CCDC43: variants seen among roughly 807,000 people sequenced by gnomAD.
The protein encoded by CCDC43 is coiled-coil domain containing 43.
CCDC43 carries 20 observed loss-of-function variants against 33.3 expected under a neutral mutation model. The observed-to-expected ratio is 0.60, with a 90% CI of 0.42 to 0.87. The LOEUF (loss-of-function observed/expected upper bound fraction) is 0.87. Among genes scored for constraint, CCDC43 ranks in the 40% least tolerant of loss-of-function variants. The probability of loss-of-function intolerance (pLI) is 0.00; values close to 1 mark genes in which losing one functional copy is unlikely to be tolerated. For synonymous variants in CCDC43, 104 were observed against 106.5 expected, an observed-to-expected ratio of 0.98 and a Z score of 0.14; for missense variants, 248 against 269.9, an observed-to-expected ratio of 0.92 and a Z score of 0.57.
intron 3 of CCDC43, chr17:44,681,634 T>A (rs1431706731): frequency 6.3e-6 from 1 of 157,590 alleles, no homozygotes; most frequent in Non-Finnish European, 1.4e-5. Context: ...GTTTCCTTAT[T>A]GACTGGGAAA....
rs1972124733 is a variant in CCDC43, at chr17:44,679,502, C to T, written c.488-459G>A. On this transcript the variant is annotated intron_variant, in intron 4 of 4. Coordinates refer to ENST00000315286, the MANE Select transcript of CCDC43 (RefSeq NM_144609.3). ...AAAAGAGTTAAATAAGATGTTTAAC[C>T]TTATTAAACTTTATCAATTTGCTTT... 2.0e-5 allele frequency among the ~76,000 whole-genome samples: 3 copies of T among 152,206 alleles called. No homozygotes were observed. In the South Asian group the frequency reaches 6.2e-4, roughly 32 times the overall value.
At position 44,682,097 on chromosome 17, in the gene CCDC43, G is replaced by C. The variant is rs994184481; in HGVS notation, c.334C>G (p.Gln112Glu). ...ACCATCCTTGGCTTTACTACGATTT[G>C]TGCCTGCTTCTCAATTAGGGTGGCA... Reference protein sequence around the residue: ...AIATLIEKQAQIVVKPRMVSE... With the variant: ...AIATLIEKQAEIVVKPRMVSE... Residue 112 changes from glutamine (Q) to glutamate (E), a missense_variant, in exon 3 of 5, where the codon CAA (glutamine) becomes GAA (glutamate). By Grantham distance (29) the Gln-to-Glu change is conservative. Coordinates refer to ENST00000315286, the MANE Select transcript of CCDC43 (RefSeq NM_144609.3). 1.9e-6 allele frequency: 3 copies of C among 1,613,884 alleles called. No individual in the cohort carries two copies. The highest frequency in any genetic ancestry group is 1.3e-5 in the African/African-American group (1 of 74,936).
At chr17:44,679,999 C>T (rs1972134161) in intron 4 of CCDC43, among the ~76,000 whole-genome samples, 2 of 151,950 alleles carry the variant, frequency 1.3e-5, no homozygotes, top group African/African-American at 4.8e-5. Flanking sequence ...TTTTTTGAGA[C>T]ACAGTCTCAC....
At chr17:44,684,062 AT>A (rs2144692878) in intron 1 of CCDC43, 103 bp from the exon 2 acceptor site, 1 of 740,804 alleles carries the variant, frequency 1.3e-6, no homozygotes, top group East Asian at 2.6e-5. Flanking sequence ...ATGCTGTGAA[AT>A]TATGGAAGGG....
Position 44,678,590 on chromosome 17 carries a change from G to A in CCDC43, c.*266C>T. ...GAAGACTTTTTAAAGTGGCCAAAAG[G>A]AGCACAGGACTTGAGTATTAAAATA... is the stretch of plus-strand genomic sequence containing the variant. On this transcript the variant is annotated 3_prime_UTR_variant, in exon 5 of 5. Coordinates refer to ENST00000315286, the MANE Select transcript of CCDC43 (RefSeq NM_144609.3). 3.1e-6 allele frequency: 1 copy of A among 318,042 alleles called. No homozygotes were observed. Among genetic ancestry groups the A allele is most frequent in the South Asian group, 9.9e-5 (1 of 10,062 alleles). The allele number at this position is 318,042 out of a possible 1,614,324, so 19.7% of individuals were successfully genotyped here.
chr17:44,684,646 G>T (rs886254316), intron 1 of CCDC43, among the ~76,000 whole-genome samples: 2 of 150,970 alleles, frequency 1.3e-5, no homozygotes, highest in Non-Finnish European at 2.9e-5. Flanking sequence ...GTGGTGAGCC[G>T]AGATCACGCC....
chr17:44,689,585 G>A lies in CCDC43; in HGVS notation c.169C>T (p.Leu57=). ...GAGAGGATCCCCTGCAGAGCGTCCA[G>A]CTTCTCTTCTTCCTCCTCCTCCTGC... ...ILQEEEEEEK[L]DALQGILSAF... Residue 57 remains leucine (L), a synonymous_variant, in exon 1 of 5, where the codon CTG becomes TTG. Transcript: ENST00000315286. The A allele has an allele frequency of 1.2e-6, 2 of 1,614,014 alleles. No individual in the cohort carries two copies. Among genetic ancestry groups the A allele is most frequent in the Middle Eastern group, 3.3e-4 (2 of 6,062 alleles).
intron 3 of CCDC43, 62 bp downstream of exon 3, chr17:44,681,941 A>G: frequency 6.2e-7 from 1 of 1,606,180 alleles, no homozygotes; most frequent in Non-Finnish European, 8.5e-7. Flanking sequence ...AGGTCACTGT[A>G]AACCCACAAA....
intron 3 of CCDC43, 39 bp from the exon 4 acceptor site, chr17:44,680,682 C>G (rs1360637055): frequency 1.3e-6 from 2 of 1,489,904 alleles, no homozygotes; most frequent in African/African-American, 2.8e-5. Flanking sequence ...AAAACAACAT[C>G]CCAACCTAAC....
intron 4 of CCDC43, 107 bp downstream of exon 4, chr17:44,680,478 A>G (rs1281623498): frequency 6.6e-6 from 5 of 762,768 alleles, no homozygotes; most frequent in Admixed American, 1.8e-5. Flanking sequence ...TTAGCATGAC[A>G]TGAGTTCCTG....
chr17:44,678,753 T>C lies in CCDC43; in HGVS notation c.*103A>G, dbSNP rs1434276349. The C allele has an allele frequency of 3.5e-6, 4 of 1,155,522 alleles. No individual in the cohort carries two copies. The highest frequency in any genetic ancestry group is 1.7e-5 in the South Asian group (1 of 58,424). The allele number at this position is 1,155,522 out of a possible 1,614,324, so 71.6% of individuals were successfully genotyped here. On this transcript the variant is annotated 3_prime_UTR_variant, in exon 5 of 5. Transcript: ENST00000315286. Reference sequence around the variant, plus strand: ...TTGACCATGTAAACAATAGGGGAAATGCCTTGGGAAACTACTTTGCAATGC... The same window carrying C: ...TTGACCATGTAAACAATAGGGGAAACGCCTTGGGAAACTACTTTGCAATGC...
At chr17:44,682,249 C>CT in intron 2 of CCDC43, 111 bp from the exon 3 acceptor site, 1 of 1,319,846 alleles carries the variant, frequency 7.6e-7, no homozygotes, top group Non-Finnish European at 1.1e-6. Flanking sequence ...CTGCTGCCTC[C>CT]TTAGAGCCTG....
Position 44,683,914 on chromosome 17 carries a change from A to T in CCDC43, c.250T>A (p.Trp84Arg). ...GTGACAACATTCTGAGTTTCTGACC[A>T]TCGTTCCACAATCTCCTTGCAGATA... The part of the protein sequence containing the change: ...LNICKEIVER[W>R]SETQNVVTKV... Residue 84 changes from tryptophan to arginine, a missense_variant, in exon 2 of 5, where the codon TGG becomes AGG. Coordinates refer to ENST00000315286, the MANE Select transcript of CCDC43 (RefSeq NM_144609.3). 6.2e-7 allele frequency: 1 copy of T among 1,613,576 alleles called. No individual in the cohort carries two copies. Among genetic ancestry groups the T allele is most frequent in the Non-Finnish European group, 8.5e-7 (1 of 1,179,502 alleles).
intron 2 of CCDC43, among the ~76,000 whole-genome samples, chr17:44,683,454 G>T (rs1281662276): frequency 6.6e-6 from 1 of 152,016 alleles, no homozygotes; most frequent in Non-Finnish European, 1.5e-5. Context: ...ACTTGAATCT[G>T]GGAGGCAGCA....
chr17:44,688,216 T>C (rs758173339), intron 1 of CCDC43: 4 of 152,214 alleles, frequency 2.6e-5, no homozygotes, highest in Non-Finnish European at 5.9e-5. Context: ...AGTGGCACAA[T>C]CACGGCTCAC....
At position 44,689,723 on chromosome 17, in the gene CCDC43, C is replaced by T. The variant is rs769693933; in HGVS notation, c.31G>A (p.Ala11Thr). The change falls in exon 1 of 5, where the codon GCC (alanine) becomes ACC (threonine). Residue 11 changes from alanine (A) to threonine (T), a missense_variant. Ala to Thr is a moderately conservative substitution (Grantham distance 58, BLOSUM62 0). Coordinates refer to ENST00000315286, the MANE Select transcript of CCDC43 (RefSeq NM_144609.3). ...CCTCCGCCATCGCCTTCGCCAGGGG[C>T]TATCGCGGCCACTTCGCTGGGCGCC... MAAPSEVAAI[A>T]PGEGDGGGGG... 1 of 1,584,554 alleles carries T rather than the reference C, an allele frequency of 6.3e-7. No homozygotes were observed. The highest frequency in any genetic ancestry group is 8.6e-7 in the Non-Finnish European group (1 of 1,166,706).
chr17:44,689,252 C>G (rs188765250), intron 1 of CCDC43: 4 of 433,286 alleles, frequency 9.2e-6, no homozygotes, highest in Non-Finnish European at 1.3e-5. Context: ...CATTCCCATT[C>G]TGACATTTCA....
At position 44,689,584 on chromosome 17, in the gene CCDC43, A is replaced by G. The variant is rs201489883; in HGVS notation, c.170T>C (p.Leu57Pro). The change falls in exon 1 of 5, where the codon CTG becomes CCG. Residue 57 changes from leucine (L) to proline (P), a missense_variant. Physicochemically the swap from Leu to Pro is moderately conservative, Grantham distance 98. Coordinates refer to ENST00000315286, the MANE Select transcript of CCDC43 (RefSeq NM_144609.3). ...AGAGAGGATCCCCTGCAGAGCGTCC[A>G]GCTTCTCTTCTTCCTCCTCCTCCTG... ...ILQEEEEEEK[L>P]DALQGILSAF... 1 of 1,613,990 alleles carries G rather than the reference A, an allele frequency of 6.2e-7. No homozygotes were observed.
At position 44,678,779 on chromosome 17, in the gene CCDC43, ACT is replaced by A. The variant is rs1241220520; in HGVS notation, c.*75_*76del. ...GCCTTGGGAAACTACTTTGCAATGCACTCTCATTTCTCTTAAATACACAACCA... is the reference window on the plus strand; with the variant it reads ...GCCTTGGGAAACTACTTTGCAATGCACTCATTTCTCTTAAATACACAACCA... On this transcript the variant is annotated 3_prime_UTR_variant, in exon 5 of 5. Transcript: ENST00000315286. 2.8e-5 allele frequency: 39 copies of A among 1,394,676 alleles called. No individual in the cohort carries two copies. Among genetic ancestry groups the A allele is most frequent in the Non-Finnish European group, 3.7e-5 (38 of 1,030,584 alleles). 86.4% of individuals were successfully genotyped at this position (1,394,676 alleles called of 1,614,324 possible).
Sources: allele counts gnomAD v4.1 joint callset (sites outside exome capture counted in the v4.1 genomes callset), GRCh38; gene constraint gnomAD v4.1.1; transcripts MANE v1.5; gene names NCBI Gene and HGNC (gene_info 2026-07-23, HGNC 2026-07-21).